PPM1H: variants seen among roughly 807,000 people sequenced by gnomAD.
PPM1H encodes protein phosphatase 1H.
Under a neutral mutation model 54.9 loss-of-function variants are expected in PPM1H, and 27 were observed. The observed-to-expected ratio is 0.49, with a 90% CI of 0.36 to 0.68. PPM1H has a LOEUF of 0.68. Ranked by LOEUF, PPM1H falls within the 30% of genes least tolerant of loss-of-function variation. The pLI is 0.00. For missense variants in PPM1H, 596 were observed against 667.8 expected (o/e 0.89, Z 1.19); for synonymous variants, 305 against 270.8 (o/e 1.13, Z -1.24).
At chr12:62,748,650 CCAAAGCATGAAATGATAAAGACTGTGGGG>C (rs2076425654) in intron 4 of PPM1H, among the ~76,000 whole-genome samples, 1 of 152,044 alleles carries the variant, frequency 6.6e-6, no homozygotes, top group East Asian at 1.9e-4. Context: ...ACTGTGACAG[CCAAAGCATGAAATGATAAAGACTGTGGGG>C]CAAAGACTAA....
intron 1 of PPM1H, among the ~76,000 whole-genome samples, chr12:62,855,692 G>A (rs1325202224): frequency 2.0e-5 from 3 of 152,074 alleles, no homozygotes; most frequent in Admixed American, 6.6e-5. Flanking sequence ...GTTATTCCAG[G>A]TCTCTGGGCC....
intron 8 of PPM1H, among the ~76,000 whole-genome samples, chr12:62,667,977 C>T (rs570681760): frequency 5.9e-5 from 9 of 152,292 alleles, no homozygotes; most frequent in Admixed American, 5.9e-4. Context: ...CTTCATGTTT[C>T]AGGAGCCTCA....
chr12:62,728,149 G>A (rs1301920726), intron 5 of PPM1H, among the ~76,000 whole-genome samples: 1 of 152,168 alleles, frequency 6.6e-6, no homozygotes, highest in African/African-American at 2.4e-5. Context: ...TCACCTGGGG[G>A]AAAAAGCTTG....
At chr12:62,704,257 G>A (rs1377404140) in intron 6 of PPM1H, among the ~76,000 whole-genome samples, 1 of 152,102 alleles carries the variant, frequency 6.6e-6, no homozygotes, top group African/African-American at 2.4e-5. Context: ...AGTCTGAAGA[G>A]GCTGCGAAAC....
intron 9 of PPM1H, among the ~76,000 whole-genome samples, chr12:62,658,227 T>C (rs901277006): frequency 7.9e-5 from 10 of 126,538 alleles, no homozygotes; most frequent in Non-Finnish European, 1.6e-4. Flanking sequence ...AAAAAAGAAG[T>C]TTCCACAGAC....
intron 4 of PPM1H, among the ~76,000 whole-genome samples, chr12:62,775,717 TGC>T (rs2076606440): frequency 6.6e-6 from 1 of 152,236 alleles, no homozygotes; most frequent in Non-Finnish European, 1.5e-5. Flanking sequence ...CCATGGTCAC[TGC>T]AGCACTAGCT....
chr12:62,742,960 C>T (rs572829378), intron 4 of PPM1H, among the ~76,000 whole-genome samples: 13 of 152,134 alleles, frequency 8.5e-5, no homozygotes, highest in African/African-American at 2.4e-4. Flanking sequence ...ATCGATGGGG[C>T]GTTATTTGCG....
At chr12:62,789,299 A>C (rs2076690967) in intron 3 of PPM1H, among the ~76,000 whole-genome samples, 1 of 152,218 alleles carries the variant, frequency 6.6e-6, no homozygotes, top group Non-Finnish European at 1.5e-5. Context: ...TACCCAGCCC[A>C]GATATGATCA....
At chr12:62,800,621 A>G (rs1173969687) in intron 3 of PPM1H, among the ~76,000 whole-genome samples, 2 of 151,956 alleles carry the variant, frequency 1.3e-5, no homozygotes, top group Non-Finnish European at 2.9e-5. Flanking sequence ...ACAGGCATGA[A>G]CCACCGTGCC....
intron 1 of PPM1H, among the ~76,000 whole-genome samples, chr12:62,855,722 G>T (rs1869359313): frequency 1.3e-5 from 2 of 152,182 alleles, no homozygotes; most frequent in South Asian, 4.1e-4. Context: ...ACTGTCAAGT[G>T]AAGAGTCAAC....
chr12:62,693,448 G>A (rs2076094488), intron 7 of PPM1H, among the ~76,000 whole-genome samples: 1 of 152,192 alleles, frequency 6.6e-6, no homozygotes, highest in Non-Finnish European at 1.5e-5. Context: ...TTCCATGGTG[G>A]AGTCTGAGAC....
intron 1 of PPM1H, among the ~76,000 whole-genome samples, chr12:62,927,665 A>T (rs1224410627): frequency 6.6e-6 from 1 of 151,304 alleles, no homozygotes; most frequent in East Asian, 1.9e-4. Flanking sequence ...TCCGTCTCAA[A>T]AAAAAAAAAA....
At chr12:62,690,646 G>A (rs1309031578) in intron 7 of PPM1H, among the ~76,000 whole-genome samples, 2 of 152,194 alleles carry the variant, frequency 1.3e-5, no homozygotes, top group African/African-American at 2.4e-5. Flanking sequence ...ATATGTTGGG[G>A]ACACAAATGT....
intron 1 of PPM1H, among the ~76,000 whole-genome samples, chr12:62,897,944 A>G (rs945993107): frequency 6.6e-6 from 1 of 152,198 alleles, no homozygotes; most frequent in Non-Finnish European, 1.5e-5. Flanking sequence ...AGAGATGCAG[A>G]AAGAAACAGC....
intron 1 of PPM1H, among the ~76,000 whole-genome samples, chr12:62,838,748 C>A (rs1302178468): frequency 8.3e-6 from 1 of 120,350 alleles, no homozygotes; most frequent in Non-Finnish European, 1.7e-5. Context: ...GGTGAAACCC[C>A]GTCTCTACTA....
chr12:62,821,877 C>T (rs2076905122), intron 2 of PPM1H, among the ~76,000 whole-genome samples: 1 of 152,170 alleles, frequency 6.6e-6, no homozygotes, highest in African/African-American at 2.4e-5. Context: ...AACCAGCTAA[C>T]ATCCTAATGA....
intron 4 of PPM1H, among the ~76,000 whole-genome samples, chr12:62,745,623 A>G (rs2076406089): frequency 6.6e-6 from 1 of 152,230 alleles, no homozygotes; most frequent in Non-Finnish European, 1.5e-5. Context: ...TCACAGCAGC[A>G]CAACTATCCT....
chr12:62,788,471 C>T, intron 3 of PPM1H, 133 bp from the exon 4 acceptor site: 1 of 602,104 alleles, frequency 1.7e-6, no homozygotes, highest in South Asian at 2.2e-5. Context: ...TTAGTGCTTG[C>T]TTTCCTACCA....
intron 1 of PPM1H, among the ~76,000 whole-genome samples, chr12:62,902,865 C>G (rs1007206005): frequency 2.0e-5 from 3 of 152,160 alleles, no homozygotes; most frequent in East Asian, 1.9e-4. Flanking sequence ...GGAGGGCCCA[C>G]TTGTGATTTG....
Sources: allele counts gnomAD v4.1 joint callset (sites outside exome capture counted in the v4.1 genomes callset), GRCh38; gene constraint gnomAD v4.1.1; transcripts MANE v1.5; gene names NCBI Gene and HGNC (gene_info 2026-07-23, HGNC 2026-07-21).